DPF3: variants seen among roughly 807,000 people sequenced by gnomAD.
DPF3 encodes zinc finger protein DPF3.
A neutral mutation model predicts 56.8 loss-of-function variants in DPF3; 18 were observed. The observed-to-expected ratio is 0.32, with a 90% CI of 0.22 to 0.47. The LOEUF (loss-of-function observed/expected upper bound fraction) is 0.47, where lower values mean the gene tolerates loss of function less well. Among genes scored for constraint, DPF3 ranks in the 20% least tolerant of loss-of-function variants. The pLI, the probability that DPF3 is intolerant of heterozygous loss-of-function variation, is 1.00. For missense variants in DPF3, 403 were observed against 488.8 expected (o/e 0.82, Z 1.65); for synonymous variants, 188 against 180.2 (o/e 1.04, Z -0.35).
intron 1 of DPF3, among the ~76,000 whole-genome samples, chr14:72,781,947 G>A (rs1322606282): frequency 3.3e-5 from 5 of 152,168 alleles, no homozygotes; most frequent in African/African-American, 9.7e-5. Context: ...TTCATTGATT[G>A]AGAAAATATT....
intron 1 of DPF3, among the ~76,000 whole-genome samples, chr14:72,890,739 C>T (rs1445153946): frequency 1.3e-5 from 2 of 152,118 alleles, no homozygotes; most frequent in African/African-American, 4.8e-5. Context: ...ATTTACACAT[C>T]ATACATGTCC....
intron 4 of DPF3, 161 bp from the exon 5 acceptor site, chr14:72,723,889 G>A: frequency 1.6e-6 from 1 of 644,646 alleles, no homozygotes; most frequent in Admixed American, 3.4e-5. Flanking sequence ...GCTGTCTGGA[G>A]TTTGAACTCT....
intron 3 of DPF3, among the ~76,000 whole-genome samples, chr14:72,733,702 A>G (rs1033299711): frequency 3.3e-5 from 5 of 152,142 alleles, no homozygotes; most frequent in African/African-American, 1.2e-4. Context: ...ACGGAAAAGC[A>G]TGGATCTGGA....
chr14:72,819,307 A>G (rs567887474), intron 1 of DPF3, among the ~76,000 whole-genome samples: 1 of 152,348 alleles, frequency 6.6e-6, no homozygotes, highest in South Asian at 2.1e-4. Flanking sequence ...TTCTAAAAAC[A>G]TGCATTTACC....
intron 1 of DPF3, among the ~76,000 whole-genome samples, chr14:72,777,472 T>C (rs1460113890): frequency 6.6e-6 from 1 of 152,144 alleles, no homozygotes; most frequent in East Asian, 1.9e-4. Context: ...TCGTTCCTCC[T>C]CACAGAAAAA....
chr14:72,685,336 GCTGT>G (rs1156810985), intron 7 of DPF3, among the ~76,000 whole-genome samples: 2 of 152,130 alleles, frequency 1.3e-5, no homozygotes, highest in Admixed American at 6.5e-5. Context: ...TTCCCACCTT[GCTGT>G]CTGTTACTCA....
intron 7 of DPF3, among the ~76,000 whole-genome samples, chr14:72,686,540 C>T (rs1887419136): frequency 6.6e-6 from 1 of 152,222 alleles, no homozygotes. Flanking sequence ...CACAGCCATT[C>T]CCTCAGCCAC....
intron 7 of DPF3, among the ~76,000 whole-genome samples, chr14:72,678,563 A>T (rs965446125): frequency 6.6e-6 from 1 of 152,264 alleles, no homozygotes; most frequent in Non-Finnish European, 1.5e-5. Context: ...TGACCCAGCC[A>T]TGAGCAATTT....
chr14:72,640,105 C>A (rs1885511545), intron 8 of DPF3, among the ~76,000 whole-genome samples: 1 of 119,520 alleles, frequency 8.4e-6, no homozygotes, highest in Non-Finnish European at 1.7e-5. Flanking sequence ...CAGGGAAAGG[C>A]AACAGCAGGA....
chr14:72,882,094 G>A (rs1423799034), intron 1 of DPF3, among the ~76,000 whole-genome samples: 2 of 152,032 alleles, frequency 1.3e-5, no homozygotes, highest in African/African-American at 4.8e-5. Flanking sequence ...CTGTGTCTTC[G>A]TCTTCTAAAA....
intron 6 of DPF3, among the ~76,000 whole-genome samples, chr14:72,708,041 C>A (rs1035640059): frequency 6.6e-6 from 1 of 152,124 alleles, no homozygotes; most frequent in Non-Finnish European, 1.5e-5. Context: ...TAGGAATTGT[C>A]ATGAAGTGTG....
intron 1 of DPF3, among the ~76,000 whole-genome samples, chr14:72,777,767 T>G (rs952795269): frequency 6.6e-6 from 1 of 152,152 alleles, no homozygotes; most frequent in Non-Finnish European, 1.5e-5. Context: ...TTTTATCATG[T>G]GACATGCCTC....
chr14:72,714,806 T>C (rs572277033), intron 5 of DPF3, among the ~76,000 whole-genome samples: 80 of 151,688 alleles, frequency 5.3e-4, no homozygotes, highest in Middle Eastern at 6.8e-3. Context: ...CCCAAGGTCG[T>C]TCGGCTACTC....
intron 8 of DPF3, among the ~76,000 whole-genome samples, chr14:72,630,131 C>T (rs1027214735): frequency 4.6e-5 from 7 of 152,186 alleles, no homozygotes; most frequent in Non-Finnish European, 1.0e-4. Context: ...CAGGTAAGAA[C>T]TATTTGGAGC....
intron 8 of DPF3, chr14:72,670,292 T>C: frequency 1.0e-6 from 1 of 985,902 alleles, no homozygotes; most frequent in South Asian, 4.7e-5. Flanking sequence ...ATCCCTGCAT[T>C]TGGAAGTCGT....
chr14:72,727,383 C>T (rs1378816644), intron 4 of DPF3, among the ~76,000 whole-genome samples: 1 of 152,132 alleles, frequency 6.6e-6, no homozygotes, highest in East Asian at 1.9e-4. Flanking sequence ...CGAGACGAGC[C>T]TGGCCAATGT....
intron 8 of DPF3, among the ~76,000 whole-genome samples, chr14:72,665,716 C>G (rs996302350): frequency 6.6e-6 from 1 of 152,130 alleles, no homozygotes; most frequent in Admixed American, 6.5e-5. Context: ...GGATCCTGGA[C>G]CAGAAAAAGG....
chr14:72,788,418 G>T (rs1892297522), intron 1 of DPF3, among the ~76,000 whole-genome samples: 1 of 151,834 alleles, frequency 6.6e-6, no homozygotes, highest in African/African-American at 2.4e-5. Context: ...GGAAGGGGAA[G>T]AGGAGGAGGA....
chr14:72,671,007 G>A (rs1482481572), intron 8 of DPF3: 1 of 1,459,928 alleles, frequency 6.8e-7, no homozygotes, highest in Non-Finnish European at 9.0e-7. Flanking sequence ...GGGAGGTGAA[G>A]GGAAAAAAAG....
Sources: allele counts gnomAD v4.1 joint callset (sites outside exome capture counted in the v4.1 genomes callset), GRCh38; gene constraint gnomAD v4.1.1; transcripts MANE v1.5; gene names NCBI Gene and HGNC (gene_info 2026-07-23, HGNC 2026-07-21).